The following OCA2 variants were observed in gnomAD, a reference collection of about 807,000 sequenced individuals.
The protein encoded by OCA2 is OCA2 melanosomal transmembrane protein.
Under a neutral mutation model 100.2 loss-of-function variants are expected in OCA2, and 77 were observed. The ratio of observed to expected loss-of-function variants is 0.77; its 90% CI spans 0.64 to 0.93. The LOEUF (loss-of-function observed/expected upper bound fraction) is 0.93. Ranked by LOEUF, OCA2 falls within the 40% of genes least tolerant of loss-of-function variation. OCA2 has a pLI of 0.00. For synonymous variants in OCA2, 432 were observed against 439.2 expected (o/e 0.98, Z 0.21); for missense variants, 1,062 against 1,089.1 (o/e 0.98, Z 0.35).
chr15:27,882,174 TG>T (rs1470073204), intron 19 of OCA2, among the ~76,000 whole-genome samples: 1 of 152,232 alleles, frequency 6.6e-6, no homozygotes, highest in Admixed American at 6.5e-5. Context: ...TGGTTTTGAG[TG>T]AGTTTCTTAT....
intron 22 of OCA2, among the ~76,000 whole-genome samples, chr15:27,849,760 A>G (rs2035679352): frequency 6.6e-6 from 1 of 151,660 alleles, no homozygotes; most frequent in South Asian, 2.1e-4. Context: ...CAACGCTGTG[A>G]ATGTCCCTAA....
chr15:28,025,091 A>G (rs941845933), intron 4 of OCA2, among the ~76,000 whole-genome samples, 189 bp from the exon 5 acceptor site: 1 of 152,192 alleles, frequency 6.6e-6, no homozygotes, highest in African/African-American at 2.4e-5. Flanking sequence ...CCAAAGGAGC[A>G]TGGTGGAGGT....
chr15:27,883,406 T>C (rs776040760), intron 19 of OCA2, among the ~76,000 whole-genome samples: 1 of 152,208 alleles, frequency 6.6e-6, no homozygotes, highest in Non-Finnish European at 1.5e-5. Context: ...CCTTAGCAGA[T>C]TGGAATTCAA....
the OCA2 span, among the ~76,000 whole-genome samples, chr15:27,722,769 CT>C: frequency 1.5e-4 from 13 of 84,560 alleles, no homozygotes; most frequent in Non-Finnish European, 2.5e-4. Context: ...TCCTTTCTTT[CT>C]TTTCTTTCTT....
At chr15:28,002,431 T>C (rs1357250107) in intron 9 of OCA2, among the ~76,000 whole-genome samples, 2 of 152,112 alleles carry the variant, frequency 1.3e-5, no homozygotes, top group Admixed American at 1.3e-4. Flanking sequence ...CCTACCTCAC[T>C]GTGGTCTGTG....
chr15:28,024,833 T>G lies in OCA2; in HGVS notation c.573+12A>C. The stretch of plus-strand genomic sequence containing the variant: ...GACCCAACAGTAGTGCTGGGGCAGC[T>G]AAGGTACTCACAGAACACAGCACCA... On this transcript the variant is annotated intron_variant, in intron 5 of 23. Coordinates refer to ENST00000354638, the MANE Select transcript of OCA2 (RefSeq NM_000275.3). 3.1e-6 allele frequency: 5 copies of G among 1,614,100 alleles called. No homozygotes were observed. Among genetic ancestry groups the G allele is most frequent in the Non-Finnish European group, 4.2e-6 (5 of 1,179,968 alleles).
intron 23 of OCA2, among the ~76,000 whole-genome samples, chr15:27,772,890 G>T (rs145562545): frequency 5.8e-4 from 88 of 151,016 alleles, no homozygotes; most frequent in African/African-American, 2.1e-3. Context: ...ATATGTCTAA[G>T]AATTCAATGC....
chr15:27,946,088 C>T (rs1026035254), intron 18 of OCA2, among the ~76,000 whole-genome samples: 2 of 152,114 alleles, frequency 1.3e-5, no homozygotes, highest in East Asian at 1.9e-4. Flanking sequence ...AAATCATGCT[C>T]GGATGACAGG....
intron 23 of OCA2, among the ~76,000 whole-genome samples, chr15:27,789,745 T>G (rs1207891433): frequency 1.3e-5 from 2 of 152,226 alleles, no homozygotes; most frequent in Non-Finnish European, 2.9e-5. Context: ...AAAATTATAG[T>G]CTTTTCAACA....
intron 2 of OCA2, among the ~76,000 whole-genome samples, chr15:28,072,360 C>T (rs1013236175): frequency 6.6e-5 from 10 of 152,028 alleles, no homozygotes; most frequent in South Asian, 2.1e-4. Flanking sequence ...GGGGCCGAGG[C>T]GGGAGGATCA....
chr15:27,937,598 T>A (rs2039502644), intron 18 of OCA2, among the ~76,000 whole-genome samples: 1 of 152,256 alleles, frequency 6.6e-6, no homozygotes, highest in African/African-American at 2.4e-5. Context: ...ACCATTTAGG[T>A]GTGCATATAA....
intron 23 of OCA2, among the ~76,000 whole-genome samples, chr15:27,839,072 G>A (rs562346702): frequency 1.2e-4 from 18 of 152,246 alleles, no homozygotes; most frequent in African/African-American, 4.1e-4. Context: ...GAGAAAGAAG[G>A]GAAGAGAAAA....
At chr15:27,843,052 T>C (rs2035400756) in intron 23 of OCA2, among the ~76,000 whole-genome samples, 1 of 151,146 alleles carries the variant, frequency 6.6e-6, no homozygotes, top group South Asian at 2.1e-4. Flanking sequence ...AAACCTTCTT[T>C]TTAAAAAAAT....
chr15:27,871,027 C>G, intron 21 of OCA2, 127 bp downstream of exon 21: 1 of 764,572 alleles, frequency 1.3e-6, no homozygotes, highest in South Asian at 1.5e-5. Flanking sequence ...TGCTCACTTT[C>G]GTCCTCTACA....
chr15:27,751,464 T>C (rs2030062259), downstream of OCA2, among the ~76,000 whole-genome samples: 2 of 152,334 alleles, frequency 1.3e-5, no homozygotes, highest in East Asian at 3.9e-4. Flanking sequence ...GAAAAAGTTG[T>C]ACCAATCATC....
intron 19 of OCA2, among the ~76,000 whole-genome samples, chr15:27,909,864 C>T (rs2703930): frequency 0.054 from 8,253 of 152,178 alleles, 770 homozygotes; most frequent in African/African-American, 0.19. Flanking sequence ...ACTAGTAAAT[C>T]TGTCTACATA....
chr15:28,008,857 G>A (rs935582659), intron 9 of OCA2, among the ~76,000 whole-genome samples: 4 of 152,200 alleles, frequency 2.6e-5, no homozygotes, highest in Non-Finnish European at 5.9e-5. Context: ...ACAGGCAGGG[G>A]CATCTGCAAG....
At chr15:27,838,051 T>C (rs937299873) in intron 23 of OCA2, among the ~76,000 whole-genome samples, 1 of 152,066 alleles carries the variant, frequency 6.6e-6, no homozygotes, top group Non-Finnish European at 1.5e-5. Flanking sequence ...GCTTTCCTAA[T>C]AATAAAACAG....
rs1332331130 is a variant in OCA2 at position 27,755,109 on chromosome 15, T to C, written c.*279A>G. On this transcript the variant is annotated 3_prime_UTR_variant, in exon 24 of 24. Coordinates refer to ENST00000354638, the MANE Select transcript of OCA2 (RefSeq NM_000275.3). Reference sequence around the variant, plus strand: ...TCCTATGTATAGCAGGAAGGGTTTTTAAACATACGTATTTTTCTGGAGGGG... The same window carrying C: ...TCCTATGTATAGCAGGAAGGGTTTTCAAACATACGTATTTTTCTGGAGGGG... 2.4e-6 allele frequency: 1 copy of C among 416,318 alleles called. No homozygotes were observed. Among genetic ancestry groups the C allele is most frequent in the Non-Finnish European group, 4.5e-6 (1 of 220,580 alleles). 25.8% of individuals were successfully genotyped at this position (416,318 alleles called of 1,614,324 possible). A position where few individuals can be genotyped will look rare whatever the true frequency, so the allele number is the denominator to read the frequency against.
Sources: allele counts gnomAD v4.1 joint callset (sites outside exome capture counted in the v4.1 genomes callset), GRCh38; gene constraint gnomAD v4.1.1; transcripts MANE v1.5; gene names NCBI Gene and HGNC (gene_info 2026-07-23, HGNC 2026-07-21).